The following FTO variants were observed in gnomAD, a reference collection of about 807,000 sequenced individuals.
The protein encoded by FTO is alpha-ketoglutarate-dependent dioxygenase FTO.
Under a neutral mutation model 63.9 loss-of-function variants are expected in FTO, and 47 were observed. The observed-to-expected ratio is 0.74, with a 90% confidence interval of 0.58 to 0.94. The LOEUF (loss-of-function observed/expected upper bound fraction) is 0.94. Ranked by LOEUF, FTO falls within the 40% of genes least tolerant of loss-of-function variation. The probability of loss-of-function intolerance (pLI) is 0.00; values close to 1 mark genes in which losing one functional copy is unlikely to be tolerated. For missense variants in FTO, 562 were observed against 618.1 expected (o/e 0.91, Z 0.96); for synonymous variants, 207 against 224.4 (o/e 0.92, Z 0.69).
At chr16:54,101,416 C>T (rs2086640657) in intron 8 of FTO, among the ~76,000 whole-genome samples, 1 of 152,160 alleles carries the variant, frequency 6.6e-6, no homozygotes, top group Non-Finnish European at 1.5e-5. Flanking sequence ...GGATAATAGC[C>T]TCCAGCTCCA....
At chr16:54,094,096 C>T (rs1448426309) in intron 8 of FTO, among the ~76,000 whole-genome samples, 5 of 152,026 alleles carry the variant, frequency 3.3e-5, no homozygotes, top group Non-Finnish European at 5.9e-5. Context: ...TTCAAAGCCC[C>T]GAAATGTGAC....
At chr16:54,081,962 A>T (rs1203254310) in intron 8 of FTO, among the ~76,000 whole-genome samples, 1 of 152,174 alleles carries the variant, frequency 6.6e-6, no homozygotes, top group Non-Finnish European at 1.5e-5. Flanking sequence ...GTGCCAGGTC[A>T]TTGGGGACAG....
intron 4 of FTO, among the ~76,000 whole-genome samples, chr16:53,865,120 A>G (rs894763192): frequency 2.6e-5 from 4 of 152,300 alleles, no homozygotes; most frequent in Admixed American, 1.3e-4. Context: ...TATTAATAGC[A>G]TAGGAGTAAT....
intron 1 of FTO, among the ~76,000 whole-genome samples, chr16:53,799,676 C>A (rs1484080835): frequency 1.3e-5 from 2 of 152,168 alleles, no homozygotes; most frequent in Non-Finnish European, 2.9e-5. Context: ...GCTACATCTC[C>A]TACTTAGCCG....
rs1251170196 is a variant in FTO, at chr16:53,950,042, TG to T, written c.1364+15941del. ...CCTAACTACTTTCATTTTCTTTTTTTGGGGGGGGAAAGTAAAGGTTTATTTA... is the reference window on the plus strand; with the variant it reads ...CCTAACTACTTTCATTTTCTTTTTTTGGGGGGGAAAGTAAAGGTTTATTTA... On this transcript the variant is annotated intron_variant, in intron 8 of 8. Transcript: ENST00000471389. Among the ~76,000 whole-genome samples, 178 of 146,334 alleles carry T rather than the reference TG, an allele frequency of 1.2e-3. 1 individual carries two copies. The highest frequency in any genetic ancestry group is 4.2e-3 in the African/African-American group (170 of 40,124).
Position 53,934,815 on chromosome 16 carries a change from C to T in FTO, c.1364+706C>T, listed in dbSNP as rs140147609. ...CGGGACCACTGACATATATAAGGTT[C>T]GCCGTTGACCAAAACCTCAAAATGT... On this transcript the variant is annotated intron_variant, in intron 8 of 8. Transcript: ENST00000471389. 1.4e-4 allele frequency among the ~76,000 whole-genome samples: 22 copies of T among 152,234 alleles called. No individual in the cohort carries two copies. In the East Asian group the frequency reaches 2.5e-3, roughly 17 times the overall value.
intron 8 of FTO, among the ~76,000 whole-genome samples, chr16:54,048,107 T>C (rs1329909496): frequency 2.1e-5 from 1 of 46,948 alleles, no homozygotes; most frequent in Non-Finnish European, 3.3e-5. Context: ...AAACTTAGAG[T>C]ATAATAAAAA....
At chr16:54,105,863 C>T (rs746610065) in intron 8 of FTO, among the ~76,000 whole-genome samples, 1 of 151,302 alleles carries the variant, frequency 6.6e-6, no homozygotes, top group Non-Finnish European at 1.5e-5. Flanking sequence ...AACCATTTCT[C>T]CTGAAATCTT....
intron 8 of FTO, among the ~76,000 whole-genome samples, chr16:54,094,745 A>T (rs1214819530): frequency 6.6e-6 from 1 of 152,202 alleles, no homozygotes; most frequent in African/African-American, 2.4e-5. Context: ...GGAGTGGCCT[A>T]GGACGCCACC....
At chr16:53,875,476 C>T (rs1055406901) in intron 5 of FTO, among the ~76,000 whole-genome samples, 2 of 152,186 alleles carry the variant, frequency 1.3e-5, no homozygotes, top group Non-Finnish European at 2.9e-5. Flanking sequence ...GGTATACATT[C>T]AAAGAAGTTT....
At chr16:53,737,183 T>C (rs1291712155) in intron 1 of FTO, among the ~76,000 whole-genome samples, 1 of 152,162 alleles carries the variant, frequency 6.6e-6, no homozygotes, top group Non-Finnish European at 1.5e-5. Context: ...TGAGAGTATG[T>C]TTTTAATTTT....
Position 54,116,390 on chromosome 16 carries a change from A to G in FTO, c.*4475A>G, listed in dbSNP as rs1364737794. 1.3e-5 allele frequency: 2 copies of G among 152,188 alleles called. No homozygotes were observed. The highest frequency in any genetic ancestry group is 1.9e-4 in the East Asian group (1 of 5,182). The allele number at this position is 152,188 out of a possible 1,614,324, so 9.4% of individuals were successfully genotyped here. On this transcript the variant is annotated 3_prime_UTR_variant, in exon 9 of 9. Coordinates refer to ENST00000471389, the MANE Select transcript of FTO (RefSeq NM_001080432.3). ...GAAAAGGCAATTCTCATCCAGACAG[A>G]TTCAGATGGAGAGGAGCGGTGTGGA...
chr16:53,724,880 A>G (rs572293293), intron 1 of FTO, among the ~76,000 whole-genome samples: 10 of 152,180 alleles, frequency 6.6e-5, no homozygotes, highest in Non-Finnish European at 1.5e-4. Context: ...TATTTCCTGT[A>G]GTATAGGAAA....
At chr16:54,102,628 A>C (rs1343306143) in intron 8 of FTO, among the ~76,000 whole-genome samples, 5 of 152,282 alleles carry the variant, frequency 3.3e-5, no homozygotes, top group Admixed American at 2.0e-4. Context: ...ACTGTAGGTC[A>C]TGTAGGTGCT....
intron 1 of FTO, among the ~76,000 whole-genome samples, chr16:53,789,833 T>G (rs28449464): frequency 0.2 from 30,057 of 148,720 alleles, 3,990 homozygotes; most frequent in African/African-American, 0.38. Flanking sequence ...TGTATATGTA[T>G]GTATATTCCA....
At chr16:54,101,949 G>T (rs1366756433) in intron 8 of FTO, among the ~76,000 whole-genome samples, 3 of 152,132 alleles carry the variant, frequency 2.0e-5, no homozygotes, top group Non-Finnish European at 4.4e-5. Context: ...CTAGTTGGCT[G>T]CATGTATGCT....
At position 54,112,999 on chromosome 16, in the gene FTO, G is replaced by T. The variant is rs187960932; in HGVS notation, c.*1084G>T. On this transcript the variant is annotated 3_prime_UTR_variant, in exon 9 of 9. Coordinates refer to ENST00000471389, the MANE Select transcript of FTO (RefSeq NM_001080432.3). Reference sequence around the variant, plus strand: ...TTCGTGTCCTTTGGCATGTTAACGTGCCTCAGTTTCCTCATCTGTATAATG... The same window carrying T: ...TTCGTGTCCTTTGGCATGTTAACGTTCCTCAGTTTCCTCATCTGTATAATG... The T allele has an allele frequency of 6.6e-6, 1 of 152,284 alleles. No individual in the cohort carries two copies. The highest frequency in any genetic ancestry group is 1.5e-5 in the Non-Finnish European group (1 of 68,016). 9.4% of individuals were successfully genotyped at this position (152,284 alleles called of 1,614,324 possible).
chr16:54,007,313 A>C (rs2084231823), intron 8 of FTO, among the ~76,000 whole-genome samples: 1 of 152,206 alleles, frequency 6.6e-6, no homozygotes, highest in African/African-American at 2.4e-5. Flanking sequence ...TAATTTAAAA[A>C]ATAAAAGAAA....
chr16:54,110,997 T>A (rs1205930629), intron 8 of FTO, among the ~76,000 whole-genome samples: 1 of 152,220 alleles, frequency 6.6e-6, no homozygotes, highest in Non-Finnish European at 1.5e-5. Context: ...TGCCAAGGTG[T>A]AAGAACGTTG....
Sources: gnomAD v4.1 joint callset for allele counts (sites outside exome capture counted in the v4.1 genomes callset) on GRCh38, gnomAD v4.1.1 for gene constraint, MANE v1.5 for transcripts, NCBI Gene and HGNC (gene_info 2026-07-23, HGNC 2026-07-21) for gene names.